CHL1: variants seen among roughly 807,000 people sequenced by gnomAD.
CHL1 encodes cell adhesion molecule L1 like, also known as neural cell adhesion molecule L1-like protein.
Under a neutral mutation model 141.9 loss-of-function variants are expected in CHL1, and 96 were observed. The observed-to-expected ratio is 0.68, with a 90% CI of 0.57 to 0.80. The LOEUF (loss-of-function observed/expected upper bound fraction) is 0.80, where lower values mean the gene tolerates loss of function less well. Ranked by LOEUF, CHL1 falls within the 30% of genes least tolerant of loss-of-function variation. CHL1 has a pLI of 0.00. For synonymous variants in CHL1, 613 were observed against 502.2 expected, an observed-to-expected ratio of 1.22 and a Z score of -2.95; for missense variants, 1,820 against 1,457.2, an observed-to-expected ratio of 1.25 and a Z score of -4.05.
rs530626948 is a variant in CHL1 at position 256,384 on chromosome 3, A to G, written c.-95+11692A>G. Among the ~76,000 whole-genome samples, 25 of 152,342 alleles carry G rather than the reference A, an allele frequency of 1.6e-4. No individual in the cohort carries two copies. The East Asian group carries it at 3.5e-3, about 21-fold the overall frequency. On this transcript the variant is annotated intron_variant, in intron 2 of 27. Transcript: ENST00000256509. ...ACCACTCTAAGTGGTAACTTAACAC[A>G]GAATAAATATGAATAGAATTATCTA...
intron 2 of CHL1, among the ~76,000 whole-genome samples, chr3:260,723 G>T (rs1175598114): frequency 6.6e-6 from 1 of 152,104 alleles, no homozygotes; most frequent in Non-Finnish European, 1.5e-5. Context: ...AAGGTGGAAA[G>T]AAAAAGTCTA....
At chr3:336,403 G>A (rs931999517) in intron 5 of CHL1, among the ~76,000 whole-genome samples, 5 of 152,126 alleles carry the variant, frequency 3.3e-5, no homozygotes, top group Admixed American at 1.3e-4. Context: ...TAGTTAGCAT[G>A]AATTGTATTT....
chr3:355,411 G>A (rs906736588), intron 11 of CHL1, among the ~76,000 whole-genome samples: 3 of 152,198 alleles, frequency 2.0e-5, no homozygotes, highest in African/African-American at 7.2e-5. Context: ...GCCCAGCACT[G>A]AGGGCCAACT....
intron 3 of CHL1, among the ~76,000 whole-genome samples, chr3:320,776 G>C (rs1477793339): frequency 6.6e-6 from 1 of 152,048 alleles, no homozygotes; most frequent in East Asian, 1.9e-4. Flanking sequence ...TATAGATCTT[G>C]CAGATTTTTC....
intron 27 of CHL1, 24 bp from the exon 28 acceptor site, chr3:405,471 T>G: frequency 6.8e-7 from 1 of 1,472,428 alleles, no homozygotes; most frequent in Non-Finnish European, 9.5e-7. Flanking sequence ...TTTGTTGAGC[T>G]ATTTTTGTTT....
intron 3 of CHL1, among the ~76,000 whole-genome samples, chr3:323,260 A>T (rs190663670): frequency 6.6e-6 from 1 of 152,252 alleles, no homozygotes; most frequent in East Asian, 1.9e-4. Context: ...TCAAGAAAAC[A>T]TTAGAATTGT....
chr3:399,220 CT>C (rs1559361129), intron 26 of CHL1, 72 bp downstream of exon 26: 1 of 1,327,934 alleles, frequency 7.5e-7, no homozygotes, highest in African/African-American at 1.5e-5. Flanking sequence ...TCAGAGACAA[CT>C]TTTTTTAAAA....
At chr3:251,131 C>T (rs1693658120) in intron 2 of CHL1, among the ~76,000 whole-genome samples, 1 of 151,894 alleles carries the variant, frequency 6.6e-6, no homozygotes, top group South Asian at 2.1e-4. Context: ...CAACAAATGC[C>T]TGATCAGAGT....
intron 15 of CHL1, among the ~76,000 whole-genome samples, chr3:377,076 C>G (rs188240221): frequency 6.6e-6 from 1 of 152,284 alleles, no homozygotes; most frequent in African/African-American, 2.4e-5. Context: ...ATTATGAATA[C>G]ATTTTAAATT....
At chr3:244,724 T>A (rs1692994584) in intron 2 of CHL1, 32 bp downstream of exon 2, 1 of 152,234 alleles carries the variant, frequency 6.6e-6, no homozygotes, top group African/African-American at 2.4e-5. Flanking sequence ...AGTTGTTTTA[T>A]GCATTTTTGA....
intron 19 of CHL1, among the ~76,000 whole-genome samples, chr3:386,610 A>G (rs1344308177): frequency 6.6e-6 from 1 of 152,230 alleles, no homozygotes; most frequent in Non-Finnish European, 1.5e-5. Flanking sequence ...TCAGCAAAAT[A>G]ACACATTTCA....
chr3:198,043 A>T, intron 1 of CHL1: 1 of 284,576 alleles, frequency 3.5e-6, no homozygotes, highest in South Asian at 2.8e-5. Context: ...GGGCCGGGGA[A>T]CTCCTGCGAA....
At position 212,262 on chromosome 3, in the gene CHL1, T is replaced by C. The variant is rs144762364; in HGVS notation, c.-175+15199T>C. Among the ~76,000 whole-genome samples, 442 of 152,262 alleles carry C rather than the reference T, an allele frequency of 2.9e-3. 3 individuals carry two copies. The highest frequency in any genetic ancestry group is 0.01 in the African/African-American group (427 of 41,552). ...TCAATTCTCAGATGTTTCCATAGTC[T>C]ATTTTTATATAGCATAATACATTTT... On this transcript the variant is annotated intron_variant, in intron 1 of 27. Transcript: ENST00000256509.
chr3:382,388 T>C, intron 17 of CHL1, 86 bp from the exon 18 acceptor site: 1 of 1,470,488 alleles, frequency 6.8e-7, no homozygotes, highest in African/African-American at 1.4e-5. Flanking sequence ...AACATCCTTT[T>C]GAACTTTTAA....
chr3:238,312 A>T (rs1177027555), intron 1 of CHL1, among the ~76,000 whole-genome samples: 1 of 152,156 alleles, frequency 6.6e-6, no homozygotes, highest in African/African-American at 2.4e-5. Flanking sequence ...TGACCTAAAT[A>T]TTGACTAAAA....
intron 1 of CHL1, among the ~76,000 whole-genome samples, chr3:240,247 C>G (rs994437963): frequency 6.6e-6 from 1 of 152,138 alleles, no homozygotes; most frequent in African/African-American, 2.4e-5. Flanking sequence ...TGCATCCACA[C>G]CAACATCCAC....
intron 16 of CHL1, 53 bp from the exon 17 acceptor site, chr3:382,126 G>T: frequency 2.7e-6 from 4 of 1,493,722 alleles, no homozygotes; most frequent in Admixed American, 1.7e-5. Context: ...CTGAGGAAGG[G>T]AATCAGGTAA....
chr3:293,708 A>G (rs1697921805), intron 2 of CHL1, among the ~76,000 whole-genome samples: 3 of 152,086 alleles, frequency 2.0e-5, no homozygotes, highest in Admixed American at 2.0e-4. Flanking sequence ...CCAAATGATG[A>G]TTGTGAGCCA....
chr3:368,413 T>C (rs1705183627), intron 15 of CHL1, among the ~76,000 whole-genome samples: 1 of 152,196 alleles, frequency 6.6e-6, no homozygotes, highest in South Asian at 2.1e-4. Context: ...GAAGTGTCTG[T>C]TCATATCCTT....
Sources: gnomAD v4.1 joint callset for allele counts (sites outside exome capture counted in the v4.1 genomes callset) on GRCh38, gnomAD v4.1.1 for gene constraint, MANE v1.5 for transcripts, NCBI Gene and HGNC (gene_info 2026-07-23, HGNC 2026-07-21) for gene names.